PARK7: variants seen among roughly 807,000 people sequenced by gnomAD.
PARK7 encodes the protein Parkinson disease protein 7.
A neutral mutation model predicts 20.5 loss-of-function variants in PARK7; 14 were observed. The ratio of observed to expected loss-of-function variants is 0.68; its 90% confidence interval spans 0.45 to 1.07. The LOEUF is 1.07. PARK7 is among the 50% of genes least tolerant of loss of function. The probability of loss-of-function intolerance (pLI) is 0.00; values close to 1 mark genes in which losing one functional copy is unlikely to be tolerated. For missense variants in PARK7, 234 were observed against 238.1 expected, an observed-to-expected ratio of 0.98 and a Z score of 0.11; for synonymous variants, 98 against 84.3, an observed-to-expected ratio of 1.16 and a Z score of -0.89.
chr1:7,973,111 G>A (rs1333832522), intron 5 of PARK7, among the ~76,000 whole-genome samples: 1 of 152,168 alleles, frequency 6.6e-6, no homozygotes, highest in Non-Finnish European at 1.5e-5. Flanking sequence ...AAAAGCTAAA[G>A]GGATTCTAAG....
intron 5 of PARK7, 88 bp from the exon 6 acceptor site, chr1:7,977,564 C>T: frequency 2.6e-6 from 3 of 1,167,164 alleles, no homozygotes; most frequent in South Asian, 1.3e-5. Flanking sequence ...GGATTACAGG[C>T]ATGAGCCACT....
chr1:7,978,266 G>T (rs1192806110), intron 6 of PARK7, among the ~76,000 whole-genome samples: 1 of 151,838 alleles, frequency 6.6e-6, no homozygotes, highest in Non-Finnish European at 1.5e-5. Context: ...AAAGTGCTGG[G>T]ATTACAGGCA....
intron 3 of PARK7, among the ~76,000 whole-genome samples, chr1:7,967,656 C>CA (rs1485807702): frequency 1.3e-5 from 2 of 152,324 alleles, no homozygotes; most frequent in Middle Eastern, 3.4e-3. Context: ...TAGTGGTTCA[C>CA]ACCTGAAATC....
intron 6 of PARK7, among the ~76,000 whole-genome samples, chr1:7,980,422 A>T (rs746734555): frequency 1.7e-4 from 26 of 151,976 alleles, no homozygotes; most frequent in Non-Finnish European, 2.6e-4. Flanking sequence ...GGCATAGAAA[A>T]AGATCAGATT....
chr1:7,981,802 G>A (rs1578104925), intron 6 of PARK7, among the ~76,000 whole-genome samples: 3 of 151,830 alleles, frequency 2.0e-5, no homozygotes, highest in African/African-American at 7.2e-5. Context: ...GGGACTACAG[G>A]TGCCCGCCAC....
At chr1:7,964,007 G>A (rs149565954) in intron 2 of PARK7, among the ~76,000 whole-genome samples, 411 of 152,052 alleles carry the variant, frequency 2.7e-3, no homozygotes, top group Middle Eastern at 0.014. Flanking sequence ...AGTAGATGGG[G>A]TTTCACCATC....
chr1:7,975,133 C>A (rs1424257092), intron 5 of PARK7, among the ~76,000 whole-genome samples: 3 of 152,042 alleles, frequency 2.0e-5, no homozygotes, highest in African/African-American at 7.2e-5. Flanking sequence ...GGATTACAGG[C>A]GTGAGCCACC....
chr1:7,973,227 C>A (rs1388315324), intron 5 of PARK7, among the ~76,000 whole-genome samples: 3 of 152,216 alleles, frequency 2.0e-5, no homozygotes, highest in Non-Finnish European at 4.4e-5. Context: ...CACCACTAGC[C>A]TTTTGACCTG....
At chr1:7,978,678 A>G (rs1640640451) in intron 6 of PARK7, among the ~76,000 whole-genome samples, 1 of 152,068 alleles carries the variant, frequency 6.6e-6, no homozygotes, top group South Asian at 2.1e-4. Context: ...CTCCATCTCT[A>G]CTAAAAATAC....
chr1:7,983,791 C>T (rs1640760477), intron 6 of PARK7, among the ~76,000 whole-genome samples: 1 of 152,138 alleles, frequency 6.6e-6, no homozygotes, highest in Non-Finnish European at 1.5e-5. Context: ...AGGGGACAGG[C>T]GAGAAAGGAG....
chr1:7,969,875 A>G (rs139046631), intron 4 of PARK7, among the ~76,000 whole-genome samples: 1 of 151,892 alleles, frequency 6.6e-6, no homozygotes, highest in South Asian at 2.1e-4. Context: ...ACCACTCCCG[A>G]CCTCAAGAAA....
chr1:7,962,961 C>G (rs1157909732), intron 2 of PARK7, 86 bp downstream of exon 2: 7 of 1,104,372 alleles, frequency 6.3e-6, no homozygotes, highest in South Asian at 1.3e-5. Flanking sequence ...TCAAAGTGCT[C>G]TATGAAATAT....
In PARK7 at chr1:7,984,602, G is replaced by A. The variant is rs1468066917; in HGVS notation, c.410-292G>A. Among the ~76,000 whole-genome samples the A allele has an allele frequency of 1.3e-5, 2 of 152,258 alleles. No individual in the cohort carries two copies. The highest frequency in any genetic ancestry group is 3.9e-4 in the East Asian group (2 of 5,182). ...AGCTTTGTTGTAAATAGTGATGTGA[G>A]TAACTGTCATTCACCGACATCTCCC... On this transcript the variant is annotated intron_variant, in intron 6 of 6. Coordinates refer to ENST00000338639, the MANE Select transcript of PARK7 (RefSeq NM_007262.5). The surrounding 1 kb of genome is among the most constrained non-coding windows in gnomAD (Gnocchi z 4.3).
rs1553123769 is a variant in PARK7, at chr1:7,974,134, A to ACCG, written c.322+3173_322+3174insGCC. ...AGACCAGCCTGGGCAACATAGTGAG[A>ACCG]CCCCCCCACCGACCTCTACAAAAAA... On this transcript the variant is annotated intron_variant, in intron 5 of 6. Transcript: ENST00000338639. 3.9e-5 allele frequency among the ~76,000 whole-genome samples: 5 copies of ACCG among 129,076 alleles called. 1 individual carries two copies. Among genetic ancestry groups the ACCG allele is most frequent in the Admixed American group, 3.2e-4 (4 of 12,446 alleles). 84.7% of individuals were successfully genotyped at this position (129,076 alleles called of 152,430 possible).
intron 5 of PARK7, among the ~76,000 whole-genome samples, chr1:7,972,429 C>T (rs138914305): frequency 6.6e-6 from 1 of 152,300 alleles, no homozygotes; most frequent in Non-Finnish European, 1.5e-5. Flanking sequence ...GATTGCACTC[C>T]AGCCTGGGCA....
intron 6 of PARK7, 125 bp downstream of exon 6, chr1:7,977,863 G>A (rs769522566): frequency 2.7e-5 from 21 of 772,710 alleles, no homozygotes; most frequent in Admixed American, 4.0e-5. Context: ...GGGTTCAAGC[G>A]ATTCTTCTCT....
chr1:7,970,797 G>C (rs1365397336), intron 4 of PARK7, 97 bp from the exon 5 acceptor site: 2 of 1,204,582 alleles, frequency 1.7e-6, no homozygotes, highest in African/African-American at 1.5e-5. Context: ...AGAGCTTGTG[G>C]TTTAAACTAA....
Position 7,969,388 on chromosome 1 carries a change from C to T in PARK7, c.236C>T (p.Ala79Val), listed in dbSNP as rs1438960310. Reference sequence around the variant, plus strand: ...GTTCTACCAGGAGGTAATCTGGGCGCACAGAATTTATCTGAGGTAAAAAAT... The same window carrying T: ...GTTCTACCAGGAGGTAATCTGGGCGTACAGAATTTATCTGAGGTAAAAAAT... ...VVVLPGGNLG[A>V]QNLSESAAVK... Residue 79 changes from alanine (A) to valine (V), a missense_variant, in exon 4 of 7, where the codon GCA (alanine) becomes GTA (valine). Transcript: ENST00000338639. 3 of 1,607,610 alleles carry T rather than the reference C, an allele frequency of 1.9e-6. No individual in the cohort carries two copies. In the African/African-American group the frequency reaches 4.0e-5, roughly 22 times the overall value.
At position 7,962,852 on chromosome 1, in the gene PARK7, G is replaced by A. The variant is rs757247182; in HGVS notation, c.67G>A (p.Val23Ile). 1.6e-5 allele frequency: 26 copies of A among 1,612,584 alleles called. No homozygotes were observed. In the East Asian group the frequency reaches 2.5e-4, roughly 15 times the overall value. The change falls in exon 2 of 7, where the codon GTA becomes ATA. Residue 23 changes from valine to isoleucine, a missense_variant. Coordinates refer to ENST00000338639, the MANE Select transcript of PARK7 (RefSeq NM_007262.5). ...GAEEMETVIP[V>I]DVMRRAGIKV... Reference sequence around the variant, plus strand: ...AGAGGAAATGGAGACGGTCATCCCTGTAGATGTCATGAGGCGAGCTGGGGT... The same window carrying A: ...AGAGGAAATGGAGACGGTCATCCCTATAGATGTCATGAGGCGAGCTGGGGT...
Sources: gnomAD v4.1 joint callset for allele counts (sites outside exome capture counted in the v4.1 genomes callset) on GRCh38, gnomAD v4.1.1 for gene constraint, Gnocchi (gnomAD v3.1) non-coding constraint, MANE v1.5 for transcripts, NCBI Gene and HGNC (gene_info 2026-07-23, HGNC 2026-07-21) for gene names.